HELZ: variants seen among roughly 807,000 people sequenced by gnomAD.
The protein encoded by HELZ is ATP-dependent RNA helicase with zinc finger domain.
HELZ carries 23 observed loss-of-function variants against 218.2 expected under a neutral mutation model. The observed-to-expected ratio is 0.11, with a 90% CI of 0.08 to 0.15. The LOEUF is 0.15. Among genes scored for constraint, HELZ ranks in the 10% least tolerant of loss-of-function variants. HELZ has a pLI of 1.00. For missense variants in HELZ, 1,813 were observed against 2,353.7 expected (o/e 0.77, Z 4.75); for synonymous variants, 814 against 829.4 (o/e 0.98, Z 0.32).
At chr17:67,163,919 T>C (rs1268978660) in intron 15 of HELZ, among the ~76,000 whole-genome samples, 1 of 152,248 alleles carries the variant, frequency 6.6e-6, no homozygotes, top group Non-Finnish European at 1.5e-5. Context: ...TTTTCCTGCT[T>C]GAAAGTTTGC....
intron 31 of HELZ, among the ~76,000 whole-genome samples, chr17:67,103,337 C>T (rs543020601): frequency 3.3e-5 from 5 of 152,214 alleles, no homozygotes; most frequent in African/African-American, 1.2e-4. Flanking sequence ...TTGTAGATGA[C>T]ATTATCTTCC....
chr17:67,137,953 T>C lies in HELZ; in HGVS notation c.2931A>G (p.Val977=), dbSNP rs2038203360. The C allele has an allele frequency of 6.2e-7, 1 of 1,612,240 alleles. No homozygotes were observed. The highest frequency in any genetic ancestry group is 8.5e-7 in the Non-Finnish European group (1 of 1,178,954). The change falls in exon 22 of 33, where the codon GTA becomes GTG. Residue 977 remains valine, a synonymous_variant. Transcript: ENST00000358691. ...TACCTTGAACATTTAGCACCCTTTC[T>C]ACATTAACATCAGATAATCTCTTTT... The part of the protein sequence containing the change: ...LRKKRLSDVN[V]ERVLNVQGKQ...
chr17:67,126,688 A>AACAC (rs10623703), intron 24 of HELZ, among the ~76,000 whole-genome samples: 3,206 of 149,940 alleles, frequency 0.021, 83 homozygotes, highest in African/African-American at 0.06. Context: ...GTCCTGCTAA[A>AACAC]ACACACACAC....
Position 67,108,775 on chromosome 17 carries a change from T to C in HELZ, c.4490-49A>G. 1 of 1,384,806 alleles carries C rather than the reference T, an allele frequency of 7.2e-7. No homozygotes were observed. Among genetic ancestry groups the C allele is most frequent in the Non-Finnish European group, 9.9e-7 (1 of 1,013,764 alleles). 85.8% of individuals were successfully genotyped at this position (1,384,806 alleles called of 1,614,324 possible). On this transcript the variant is annotated intron_variant, in intron 29 of 32. Coordinates refer to ENST00000358691, the MANE Select transcript of HELZ (RefSeq NM_014877.4). The surrounding 1 kb of genome is among the most constrained non-coding windows in gnomAD (Gnocchi z 4.1). ...TTTTTATGAATTTGGGGTTTCAAGT[T>C]CATTATTTAAAGTTTTTTACTAACA... is the stretch of plus-strand genomic sequence containing the variant.
At chr17:67,181,179 AC>A (rs765083555) in intron 12 of HELZ, among the ~76,000 whole-genome samples, 3 of 152,256 alleles carry the variant, frequency 2.0e-5, no homozygotes, top group Non-Finnish European at 2.9e-5. Context: ...ATTTTATTTT[AC>A]ATTTCACTTT....
rs566554268 is a variant in HELZ, at chr17:67,167,834, A to G, written c.1431-38T>C. On this transcript the variant is annotated intron_variant, in intron 13 of 32. Transcript: ENST00000358691. ...TAGAAAACTAGTTTGAATATTTTAC[A>G]TCAAAAATATATAAAAACTAGAAGA... The G allele has an allele frequency of 9.8e-6, 13 of 1,321,594 alleles. No individual in the cohort carries two copies. The African/African-American group carries it at 1.3e-4, about 14-fold the overall frequency. 81.9% of individuals were successfully genotyped at this position (1,321,594 alleles called of 1,614,324 possible). A position where few individuals can be genotyped will look rare whatever the true frequency, so the allele number is the denominator to read the frequency against.
Position 67,107,634 on chromosome 17 carries a change from C to A in HELZ, c.4776G>T (p.Arg1592=). Residue 1592 remains arginine (R), a synonymous_variant, in exon 31 of 33, where the codon CGG becomes CGT. Coordinates refer to ENST00000358691, the MANE Select transcript of HELZ (RefSeq NM_014877.4). The part of the protein sequence containing the change: ...ELSHRDQSET[R]ELAEMPPPQS... ...GAGGTGGTGGCATTTCAGCTAGTTC[C>A]CGTGTTTCACTTTGATCACGATGAG... 6.2e-7 allele frequency: 1 copy of A among 1,614,010 alleles called. No homozygotes were observed. The highest frequency in any genetic ancestry group is 8.5e-7 in the Non-Finnish European group (1 of 1,180,002).
In HELZ at chr17:67,080,313, T is replaced by C. The variant is rs966005774; in HGVS notation, c.5495-1727A>G. The stretch of plus-strand genomic sequence containing the variant: ...GGGCTTTCTAGTCTTCCTGTTCCAC[T>C]GAACCGTGTTTCTATTTCTGTATCA... On this transcript the variant is annotated intron_variant, in intron 32 of 32. Coordinates refer to ENST00000358691, the MANE Select transcript of HELZ (RefSeq NM_014877.4). Among the ~76,000 whole-genome samples, 9 of 152,364 alleles carry C rather than the reference T, an allele frequency of 5.9e-5. 1 individual carries two copies. The South Asian group carries it at 1.7e-3, about 28-fold the overall frequency.
At chr17:67,185,544 G>A (rs547030237) in intron 12 of HELZ, among the ~76,000 whole-genome samples, 56 of 152,258 alleles carry the variant, frequency 3.7e-4, no homozygotes, top group African/African-American at 1.3e-3. Flanking sequence ...AAGTCATTAT[G>A]CTGATGACCA....
At chr17:67,241,054 T>C (rs1222450474) in intron 2 of HELZ, among the ~76,000 whole-genome samples, 2 of 152,198 alleles carry the variant, frequency 1.3e-5, no homozygotes, top group African/African-American at 4.8e-5. Context: ...ATGCTGCTTC[T>C]AGCCAATGCT....
chr17:67,162,733 A>AT (rs2039026195), intron 15 of HELZ, among the ~76,000 whole-genome samples: 2 of 144,030 alleles, frequency 1.4e-5, no homozygotes, highest in African/African-American at 2.7e-5. Context: ...GCTTATTGTT[A>AT]ATTTTTTTTT....
At chr17:67,123,812 T>A in intron 25 of HELZ, 151 bp downstream of exon 25, 1 of 616,144 alleles carries the variant, frequency 1.6e-6, no homozygotes, top group Non-Finnish European at 2.9e-6. Context: ...GGTTCCAAAG[T>A]GACTGTGTGT....
intron 18 of HELZ, 27 bp downstream of exon 18, chr17:67,151,019 G>A (rs749231548): frequency 3.1e-6 from 5 of 1,602,602 alleles, no homozygotes; most frequent in South Asian, 1.1e-5. Context: ...CCCTAAACTT[G>A]TGAGACTGTG....
At chr17:67,085,209 A>T (rs925870010) in intron 32 of HELZ, among the ~76,000 whole-genome samples, 3 of 152,150 alleles carry the variant, frequency 2.0e-5, no homozygotes, top group African/African-American at 7.2e-5. Context: ...GCTTGAGTCC[A>T]GGAGTTTGAG....
chr17:67,086,905 G>A lies in HELZ; in HGVS notation c.5418C>T (p.Asn1806=), dbSNP rs1472070077. The A allele has an allele frequency of 5.6e-6, 9 of 1,613,094 alleles. No individual in the cohort carries two copies. Among genetic ancestry groups the A allele is most frequent in the African/African-American group, 4.0e-5 (3 of 74,556 alleles). Residue 1806 remains asparagine (N), a synonymous_variant, in exon 32 of 33, where the codon AAC becomes AAT. Coordinates refer to ENST00000358691, the MANE Select transcript of HELZ (RefSeq NM_014877.4). ...TCTGATAAGGAGTAGATGAGGTGGT[G>A]TTTACCCAGGACTCCGGGGATGAAA... is the stretch of plus-strand genomic sequence containing the variant. ...FNFSSPESWV[N]TTSSTPYQNI...
Position 67,178,806 on chromosome 17 carries a change from A to T in HELZ, c.1283T>A (p.Leu428His), listed in dbSNP as rs766462224. 1.9e-6 allele frequency: 3 copies of T among 1,613,952 alleles called. No individual in the cohort carries two copies. The highest frequency in any genetic ancestry group is 2.5e-6 in the Non-Finnish European group (3 of 1,179,874). Residue 428 changes from leucine to histidine, a missense_variant, in exon 13 of 33, where the codon CTT becomes CAT. Coordinates refer to ENST00000358691, the MANE Select transcript of HELZ (RefSeq NM_014877.4). ...GAGGGGAATTTGGTATCTGATAAGAAGGCTCTTCTCCAAATCAGTAGTTTC... is the reference window on the plus strand; with the variant it reads ...GAGGGGAATTTGGTATCTGATAAGATGGCTCTTCTCCAAATCAGTAGTTTC... ...PNETTDLEKS[L>H]LIRYQIPLSA...
intron 13 of HELZ, among the ~76,000 whole-genome samples, chr17:67,174,249 T>C (rs997122519): frequency 2.0e-5 from 3 of 149,356 alleles, no homozygotes; most frequent in African/African-American, 7.4e-5. Flanking sequence ...CAAACCAAAA[T>C]GTATTTTATC....
At chr17:67,216,624 C>T (rs1357342617) in intron 4 of HELZ, among the ~76,000 whole-genome samples, 1 of 151,162 alleles carries the variant, frequency 6.6e-6, no homozygotes, top group Non-Finnish European at 1.5e-5. Context: ...ATTTCAATTC[C>T]TTCCCCCAAT....
chr17:67,203,224 GA>G, intron 6 of HELZ, 94 bp downstream of exon 6: 1 of 1,323,890 alleles, frequency 7.6e-7, no homozygotes, highest in Non-Finnish European at 1.0e-6. Context: ...AGAACTAAAA[GA>G]AAAAAAGATA....
Sources: allele counts gnomAD v4.1 joint callset (sites outside exome capture counted in the v4.1 genomes callset), GRCh38; gene constraint gnomAD v4.1.1; non-coding constraint Gnocchi (gnomAD v3.1); transcripts MANE v1.5; gene names NCBI Gene and HGNC (gene_info 2026-07-23, HGNC 2026-07-21).